LRRTM4: variants seen among roughly 807,000 people sequenced by gnomAD.
LRRTM4 encodes leucine-rich repeat transmembrane neuronal protein 4.
LRRTM4 carries 25 observed loss-of-function variants against 47.6 expected under a neutral mutation model. The ratio of observed to expected loss-of-function variants is 0.53; its 90% CI spans 0.38 to 0.73. The LOEUF is 0.73. Among genes scored for constraint, LRRTM4 ranks in the 30% least tolerant of loss-of-function variants. The pLI is 0.00. For synonymous variants in LRRTM4, 311 were observed against 269.5 expected, an observed-to-expected ratio of 1.15 and a Z score of -1.51; for missense variants, 638 against 713.4, an observed-to-expected ratio of 0.89 and a Z score of 1.20.
chr2:77,172,751 G>A (rs145890593), intron 3 of LRRTM4, among the ~76,000 whole-genome samples: 33 of 152,238 alleles, frequency 2.2e-4, no homozygotes, highest in Non-Finnish European at 4.3e-4. Context: ...TGATCTCTGC[G>A]TGACAAATAT....
intron 3 of LRRTM4, among the ~76,000 whole-genome samples, chr2:77,080,223 A>G (rs555646325): frequency 2.0e-5 from 3 of 152,294 alleles, no homozygotes; most frequent in African/African-American, 4.8e-5. Context: ...CTAGAATTCT[A>G]TGTACATCTG....
intron 3 of LRRTM4, among the ~76,000 whole-genome samples, chr2:77,262,133 C>G (rs1329346221): frequency 6.6e-6 from 1 of 152,104 alleles, no homozygotes; most frequent in East Asian, 1.9e-4. Flanking sequence ...TCTCCCATCA[C>G]CTACAGATGG....
At position 76,923,366 on chromosome 2, in the gene LRRTM4, C is replaced by A. The variant is rs1187733529; in HGVS notation, c.1552-174450G>T. ...TTTGTGAGCTGGTTGTTAAACAGAG[C>A]CATTATTAAAAATAAAATTACATAA... On this transcript the variant is annotated intron_variant, in intron 3 of 3. Transcript: ENST00000409884. Among the ~76,000 whole-genome samples the A allele has an allele frequency of 1.3e-5, 2 of 151,240 alleles. 1 individual carries two copies. The highest frequency in any genetic ancestry group is 4.2e-4 in the South Asian group (2 of 4,780).
chr2:77,273,702 TA>T (rs1347264287), intron 3 of LRRTM4, among the ~76,000 whole-genome samples: 1 of 152,160 alleles, frequency 6.6e-6, no homozygotes, highest in African/African-American at 2.4e-5. Context: ...GACTAATGTA[TA>T]AAATCAGCAG....
intron 3 of LRRTM4, among the ~76,000 whole-genome samples, chr2:77,042,419 AT>A (rs952118992): frequency 2.0e-5 from 3 of 151,554 alleles, no homozygotes; most frequent in Admixed American, 6.6e-5. Flanking sequence ...ATAAAAAGTT[AT>A]TTTTTAAAAA....
At chr2:77,479,269 G>A (rs1235866813) in intron 3 of LRRTM4, among the ~76,000 whole-genome samples, 2 of 152,052 alleles carry the variant, frequency 1.3e-5, no homozygotes, top group Non-Finnish European at 2.9e-5. Context: ...CTTTTCATTA[G>A]TGCTAAGGTC....
At chr2:77,227,003 TTAAG>T (rs1674832877) in intron 3 of LRRTM4, among the ~76,000 whole-genome samples, 1 of 151,974 alleles carries the variant, frequency 6.6e-6, no homozygotes, top group African/African-American at 2.4e-5. Context: ...GGAAAGTTAA[TTAAG>T]TATGTTCTCC....
intron 3 of LRRTM4, among the ~76,000 whole-genome samples, chr2:76,835,350 C>A (rs1317309890): frequency 2.6e-5 from 4 of 151,910 alleles, no homozygotes; most frequent in Non-Finnish European, 5.9e-5. Flanking sequence ...TGAGAAACAT[C>A]ATGTTTCAGT....
chr2:77,094,662 T>G (rs2103896257), intron 3 of LRRTM4, among the ~76,000 whole-genome samples: 1 of 152,280 alleles, frequency 6.6e-6, no homozygotes, highest in Non-Finnish European at 1.5e-5. Flanking sequence ...TACAGCATTC[T>G]CCCAAACACA....
chr2:76,983,598 T>TA (rs2103971796), intron 3 of LRRTM4, among the ~76,000 whole-genome samples: 1 of 152,152 alleles, frequency 6.6e-6, no homozygotes, highest in South Asian at 2.1e-4. Flanking sequence ...CTCTTCCCTG[T>TA]TTAAATTACA....
chr2:77,086,457 T>C (rs1003272782), intron 3 of LRRTM4, among the ~76,000 whole-genome samples: 3 of 151,416 alleles, frequency 2.0e-5, no homozygotes, highest in Admixed American at 6.6e-5. Flanking sequence ...GAACTCATGA[T>C]TGCAGGTTAC....
At chr2:77,205,696 C>T (rs138461700) in intron 3 of LRRTM4, among the ~76,000 whole-genome samples, 3 of 152,232 alleles carry the variant, frequency 2.0e-5, no homozygotes, top group Admixed American at 1.3e-4. Flanking sequence ...TAATGGAAAT[C>T]CACGAAGTTT....
At position 76,783,408 on chromosome 2, in the gene LRRTM4, T is replaced by C. The variant is rs1033244813; in HGVS notation, c.1552-34492A>G. Reference sequence around the variant, plus strand: ...AATATACATAACATAAAATGTACCATTTTAATCGTGTTTAAGTGTTCAGTT... The same window carrying C: ...AATATACATAACATAAAATGTACCACTTTAATCGTGTTTAAGTGTTCAGTT... On this transcript the variant is annotated intron_variant, in intron 3 of 3. Transcript: ENST00000409884. Among the ~76,000 whole-genome samples, 8 of 152,310 alleles carry C rather than the reference T, an allele frequency of 5.3e-5. 1 individual carries two copies. In the Middle Eastern group the frequency reaches 0.01, roughly 194 times the overall value.
At chr2:77,333,010 T>C (rs1440201081) in intron 3 of LRRTM4, among the ~76,000 whole-genome samples, 5 of 152,200 alleles carry the variant, frequency 3.3e-5, no homozygotes, top group African/African-American at 4.8e-5. Context: ...TGAATGAGTC[T>C]CATGATATCT....
rs150131221 is a variant in LRRTM4 at position 77,093,510 on chromosome 2, C to T, written c.1552-344594G>A. On this transcript the variant is annotated intron_variant, in intron 3 of 3. Coordinates refer to ENST00000409884, the MANE Select transcript of LRRTM4 (RefSeq NM_001134745.3). ...AGACTTCCCTTCAGCTTAATCTCTC[C>T]CTCTCTACATTCCCACACCACCCCT... Among the ~76,000 whole-genome samples, 796 of 151,982 alleles carry T rather than the reference C, an allele frequency of 5.2e-3. 15 individuals are homozygous for T. Among genetic ancestry groups the T allele is most frequent in the African/African-American group, 0.018 (763 of 41,300 alleles).
At chr2:76,806,525 G>A (rs527787022) in intron 3 of LRRTM4, among the ~76,000 whole-genome samples, 304 of 152,246 alleles carry the variant, frequency 2.0e-3, no homozygotes, top group Non-Finnish European at 3.2e-3. Context: ...AGGTTGCAAT[G>A]AGCCAAGATC....
chr2:77,374,984 C>T (rs1210252830), intron 3 of LRRTM4, among the ~76,000 whole-genome samples: 1 of 151,628 alleles, frequency 6.6e-6, no homozygotes, highest in African/African-American at 2.4e-5. Context: ...TTCTTCTAGT[C>T]TTCTAAGCTT....
rs779208547 is a variant in LRRTM4, at chr2:76,747,926, T to G, written c.*769A>C. 1 of 152,186 alleles carries G rather than the reference T, an allele frequency of 6.6e-6. No homozygotes were observed. Among genetic ancestry groups the G allele is most frequent in the Non-Finnish European group, 1.5e-5 (1 of 68,050 alleles). 9.4% of individuals were successfully genotyped at this position (152,186 alleles called of 1,614,324 possible). On this transcript the variant is annotated 3_prime_UTR_variant, in exon 4 of 4. Coordinates refer to ENST00000409884, the MANE Select transcript of LRRTM4 (RefSeq NM_001134745.3). ...CTGCTGGTCTTCTCATTCGGAGATC[T>G]TCATGGCTCTCTCAGGCATCCTACA...
intron 3 of LRRTM4, among the ~76,000 whole-genome samples, chr2:77,319,945 A>T (rs1677737580): frequency 6.6e-6 from 1 of 152,224 alleles, no homozygotes; most frequent in Non-Finnish European, 1.5e-5. Context: ...AGCGTTGTTC[A>T]CTTAGAAGTT....
Sources: allele counts gnomAD v4.1 joint callset (sites outside exome capture counted in the v4.1 genomes callset), GRCh38; gene constraint gnomAD v4.1.1; transcripts MANE v1.5; gene names NCBI Gene and HGNC (gene_info 2026-07-23, HGNC 2026-07-21).